Variants in MYH10 observed in about 807,000 individuals in gnomAD.
MYH10 encodes myosin heavy chain 10.
Under a neutral mutation model 257.8 loss-of-function variants are expected in MYH10, and 55 were observed. That is an observed-to-expected ratio of 0.21 (90% CI 0.17 to 0.27). MYH10 has a LOEUF of 0.27. Among genes scored for constraint, MYH10 ranks in the 10% least tolerant of loss-of-function variants. MYH10 has a pLI of 1.00. For missense variants in MYH10, 1,631 were observed against 2,500.6 expected (o/e 0.65, Z 7.42); for synonymous variants, 854 against 921.7 (o/e 0.93, Z 1.33).
intron 24 of MYH10, among the ~76,000 whole-genome samples, chr17:8,510,337 TA>T (rs973046051): frequency 2.6e-5 from 4 of 152,234 alleles, no homozygotes; most frequent in African/African-American, 9.6e-5. Flanking sequence ...CAAGGATATT[TA>T]AAAAAATATG....
chr17:8,540,799 A>G (rs1174994654), intron 14 of MYH10, among the ~76,000 whole-genome samples: 1 of 152,216 alleles, frequency 6.6e-6, no homozygotes, highest in Non-Finnish European at 1.5e-5. Flanking sequence ...CCTTATTTAC[A>G]TAAATGCCCA....
At chr17:8,610,378 C>T (rs2084989635) in intron 2 of MYH10, among the ~76,000 whole-genome samples, 1 of 147,102 alleles carries the variant, frequency 6.8e-6, no homozygotes, top group Admixed American at 6.8e-5. Flanking sequence ...CACTTGAGCT[C>T]AGGAGTTCAA....
chr17:8,530,444 A>G (rs2081975788), intron 17 of MYH10, among the ~76,000 whole-genome samples, 179 bp downstream of exon 17: 1 of 152,214 alleles, frequency 6.6e-6, no homozygotes, highest in African/African-American at 2.4e-5. Context: ...AATAAAACTG[A>G]GCATGAAATG....
At chr17:8,512,048 T>TA (rs2081313452) in intron 24 of MYH10, among the ~76,000 whole-genome samples, 1 of 152,254 alleles carries the variant, frequency 6.6e-6, no homozygotes, top group Admixed American at 6.5e-5. Flanking sequence ...GGCCACCTCC[T>TA]ATGTCAGTGC....
intron 36 of MYH10, among the ~76,000 whole-genome samples, chr17:8,486,614 G>C (rs1372933937): frequency 7.0e-6 from 1 of 143,130 alleles, no homozygotes; most frequent in African/African-American, 2.7e-5. Context: ...ATTACCCAGA[G>C]ATGACTTTCC....
chr17:8,560,969 A>G (rs1199115580), intron 7 of MYH10: 5 of 484,400 alleles, frequency 1.0e-5, no homozygotes, highest in East Asian at 4.3e-5. Context: ...ACTCTAATCA[A>G]TCTGCTTGTG....
chr17:8,507,546 CCTTTGTGAGGTA>C (rs757887324), intron 26 of MYH10, among the ~76,000 whole-genome samples: 34 of 152,234 alleles, frequency 2.2e-4, no homozygotes, highest in South Asian at 4.1e-4. Context: ...CTGGCCAGTC[CCTTTGTGAGGTA>C]CTTTGTGGGC....
chr17:8,502,375 C>T (rs1038943360), intron 28 of MYH10, among the ~76,000 whole-genome samples: 5 of 152,154 alleles, frequency 3.3e-5, no homozygotes, highest in Admixed American at 6.5e-5. Context: ...AGGTCAAAGA[C>T]GTGCTGGTCT....
chr17:8,570,291 T>C (rs779229767), intron 6 of MYH10, among the ~76,000 whole-genome samples: 4 of 152,198 alleles, frequency 2.6e-5, no homozygotes, highest in Non-Finnish European at 5.9e-5. Flanking sequence ...ATCTCTATCA[T>C]ATAGACAGGG....
intron 7 of MYH10, among the ~76,000 whole-genome samples, chr17:8,557,292 C>A (rs772278960): frequency 1.3e-5 from 2 of 152,024 alleles, no homozygotes; most frequent in East Asian, 3.9e-4. Flanking sequence ...TAAGAACTCA[C>A]CCCATTTTCC....
At chr17:8,603,251 G>A (rs987597995) in intron 3 of MYH10, among the ~76,000 whole-genome samples, 13 of 152,102 alleles carry the variant, frequency 8.5e-5, no homozygotes, top group African/African-American at 4.8e-5. Context: ...ACCTCTTCAA[G>A]TATGCTGATA....
In MYH10 at chr17:8,586,153, T is replaced by C. The variant is rs140629733; in HGVS notation, c.530+2928A>G. Reference sequence around the variant, plus strand: ...AACCCAGCTGTTCATCAGCATCAAATAGACCAAGAGAACCCTCCATACTTT... The same window carrying C: ...AACCCAGCTGTTCATCAGCATCAAACAGACCAAGAGAACCCTCCATACTTT... On this transcript the variant is annotated intron_variant, in intron 4 of 42. Coordinates refer to ENST00000360416, the MANE Select transcript of MYH10 (RefSeq NM_001256012.3). Among the ~76,000 whole-genome samples, 81 of 152,296 alleles carry C rather than the reference T, an allele frequency of 5.3e-4. 1 individual carries two copies. The highest frequency in any genetic ancestry group is 1.7e-3 in the African/African-American group (72 of 41,560).
At chr17:8,517,115 T>G (rs1042613291) in intron 21 of MYH10, among the ~76,000 whole-genome samples, 12 of 152,150 alleles carry the variant, frequency 7.9e-5, no homozygotes, top group Admixed American at 3.9e-4. Context: ...CACTCCAGCC[T>G]CAGCGACAGA....
intron 3 of MYH10, among the ~76,000 whole-genome samples, chr17:8,598,395 A>G (rs1360250743): frequency 6.6e-6 from 1 of 152,162 alleles, no homozygotes; most frequent in Non-Finnish European, 1.5e-5. Context: ...ACCAGCTCTT[A>G]GTTGTACTTA....
chr17:8,525,930 C>T (rs528746128), intron 17 of MYH10, among the ~76,000 whole-genome samples: 7 of 152,072 alleles, frequency 4.6e-5, no homozygotes, highest in Middle Eastern at 3.2e-3. Context: ...GTAGCTGGGA[C>T]TATAGGTGCC....
chr17:8,506,431 G>A lies in MYH10; in HGVS notation c.3273C>T (p.Leu1091=), dbSNP rs185230215. Residue 1091 remains leucine, a synonymous_variant, in exon 27 of 43, where the codon CTC becomes CTT. Coordinates refer to ENST00000360416, the MANE Select transcript of MYH10 (RefSeq NM_001256012.3). This position sits in a 1 kb window ranked among gnomAD's most constrained non-coding sequence, Gnocchi z 5.0. ...RQELEKAKRK[L]DGETTDLQDQ... ...CCTGCAGGTCGGTCGTCTCCCCGTCGAGTTTTCTTTTGGCCTTTTCCAGTT... is the reference window on the plus strand; with the variant it reads ...CCTGCAGGTCGGTCGTCTCCCCGTCAAGTTTTCTTTTGGCCTTTTCCAGTT... 84 of 1,612,860 alleles carry A rather than the reference G, an allele frequency of 5.2e-5. No individual in the cohort carries two copies. In the East Asian group the frequency reaches 1.6e-3, roughly 31 times the overall value.
intron 27 of MYH10, among the ~76,000 whole-genome samples, 159 bp from the exon 28 acceptor site, chr17:8,505,065 G>A (rs2081031186): frequency 6.6e-6 from 1 of 152,096 alleles, no homozygotes; most frequent in African/African-American, 2.4e-5. Flanking sequence ...CACCTGCTAG[G>A]GCAGGAGGAG....
At chr17:8,559,282 C>T (rs141675783) in intron 7 of MYH10, among the ~76,000 whole-genome samples, 98 of 152,240 alleles carry the variant, frequency 6.4e-4, no homozygotes, top group African/African-American at 2.2e-3. Context: ...TTCTCACTGA[C>T]ATAATGACTA....
chr17:8,577,287 G>A lies in MYH10; in HGVS notation c.582C>T (p.Tyr194=), dbSNP rs2083532877. Residue 194 remains tyrosine (Y), a synonymous_variant, in exon 5 of 43, where the codon TAC becomes TAT. Coordinates refer to ENST00000360416, the MANE Select transcript of MYH10 (RefSeq NM_001256012.3). ...KTENTKKVIQ[Y]LAHVASSHKG... is the part of the protein sequence containing the mutation. ...TATGTGAAGAAGCAACATGGGCAAG[G>A]TACTGAATAACTTTCTTTGTATTTT... 10 of 1,612,612 alleles carry A rather than the reference G, an allele frequency of 6.2e-6. No homozygotes were observed. The highest frequency in any genetic ancestry group is 8.5e-6 in the Non-Finnish European group (10 of 1,179,024).
Sources: gnomAD v4.1 joint callset for allele counts (sites outside exome capture counted in the v4.1 genomes callset) on GRCh38, gnomAD v4.1.1 for gene constraint, Gnocchi (gnomAD v3.1) non-coding constraint, MANE v1.5 for transcripts, NCBI Gene and HGNC (gene_info 2026-07-23, HGNC 2026-07-21) for gene names.